The following PDGFRB variants were observed in gnomAD, a reference collection of about 807,000 sequenced individuals.
PDGFRB encodes platelet-derived growth factor receptor beta.
Under a neutral mutation model 120.2 loss-of-function variants are expected in PDGFRB, and 42 were observed. The ratio of observed to expected loss-of-function variants is 0.35; its 90% CI spans 0.27 to 0.45. The LOEUF (loss-of-function observed/expected upper bound fraction) is 0.45. Ranked by LOEUF, PDGFRB falls within the 20% of genes least tolerant of loss-of-function variation. The probability of loss-of-function intolerance (pLI) is 1.00; values close to 1 mark genes in which losing one functional copy is unlikely to be tolerated. For missense variants in PDGFRB, 1,149 were observed against 1,476.3 expected (o/e 0.78, Z 3.63); for synonymous variants, 586 against 606.8 (o/e 0.97, Z 0.50).
At chr5:150,154,760 A>G (rs1203533070) in intron 1 of PDGFRB, among the ~76,000 whole-genome samples, 1 of 152,210 alleles carries the variant, frequency 6.6e-6, no homozygotes, top group Non-Finnish European at 1.5e-5. Flanking sequence ...CAGATCTGAC[A>G]GCCAGGTCCC....
Position 150,133,772 on chromosome 5 carries a change from G to C in PDGFRB, c.760-12C>G. 6.2e-7 allele frequency: 1 copy of C among 1,613,612 alleles called. No homozygotes were observed. Among genetic ancestry groups the C allele is most frequent in the Non-Finnish European group, 8.5e-7 (1 of 1,179,554 alleles). On this transcript the variant is annotated splice_polypyrimidine_tract_variant and intron_variant, in intron 5 of 22. Coordinates refer to ENST00000261799, the MANE Select transcript of PDGFRB (RefSeq NM_002609.4). ...ACCAGCCGCCCACTCTGCAGCAACA[G>C]GTTGGGCAGGCCCCCCAAATCAGGA...
chr5:150,126,162 G>A (rs1760286189), intron 11 of PDGFRB, among the ~76,000 whole-genome samples: 1 of 152,234 alleles, frequency 6.6e-6, no homozygotes, highest in African/African-American at 2.4e-5. Flanking sequence ...ATGCATTTCA[G>A]TAGAATCACA....
Position 150,121,024 on chromosome 5 carries a change from G to A in PDGFRB, c.2464-14C>T. ...TCTGTGGACGCACTGGGTTTGGGGA[G>A]AGGGGAGCTGAGGCCTTGGGGACAA... is the stretch of plus-strand genomic sequence containing the variant. On this transcript the variant is annotated splice_polypyrimidine_tract_variant and intron_variant, in intron 17 of 22. Transcript: ENST00000261799. The surrounding 1 kb of genome is among the most constrained non-coding windows in gnomAD (Gnocchi z 4.1). 6.2e-7 allele frequency: 1 copy of A among 1,613,524 alleles called. No homozygotes were observed. Among genetic ancestry groups the A allele is most frequent in the South Asian group, 1.1e-5 (1 of 91,052 alleles).
chr5:150,127,249 C>T (rs1242830146), intron 10 of PDGFRB, among the ~76,000 whole-genome samples: 3 of 152,180 alleles, frequency 2.0e-5, no homozygotes, highest in African/African-American at 7.2e-5. Context: ...GAGTCTCCTC[C>T]ACCCTCAAGG....
chr5:150,123,021 C>T, intron 15 of PDGFRB, 21 bp downstream of exon 15: 1 of 1,607,986 alleles, frequency 6.2e-7, no homozygotes. Context: ...AAGATTCAGT[C>T]CCTGGCCTCC....
At position 150,135,896 on chromosome 5, in the gene PDGFRB, T is replaced by C. The variant is rs2113912949; in HGVS notation, c.41-18A>G. Reference sequence around the variant, plus strand: ...CAGCTCGCCTTTGGGAGAGGAGGTATCAGACATCAGGAAACAGGGGCTTCA... The same window carrying C: ...CAGCTCGCCTTTGGGAGAGGAGGTACCAGACATCAGGAAACAGGGGCTTCA... On this transcript the variant is annotated intron_variant, in intron 2 of 22. Coordinates refer to ENST00000261799, the MANE Select transcript of PDGFRB (RefSeq NM_002609.4). 6.6e-7 allele frequency: 1 copy of C among 1,507,620 alleles called. No homozygotes were observed. Among genetic ancestry groups the C allele is most frequent in the Non-Finnish European group, 8.9e-7 (1 of 1,126,030 alleles). 93.4% of individuals were successfully genotyped at this position (1,507,620 alleles called of 1,614,324 possible). A position where few individuals can be genotyped will look rare whatever the true frequency, so the allele number is the denominator to read the frequency against.
chr5:150,138,858 G>T (rs559993127), intron 1 of PDGFRB, among the ~76,000 whole-genome samples: 122 of 152,352 alleles, frequency 8.0e-4, no homozygotes, highest in Non-Finnish European at 1.6e-3. Context: ...GCTGGGGGAG[G>T]GGGTCACTTC....
chr5:150,119,560 G>T lies in PDGFRB; in HGVS notation c.2705C>A (p.Thr902Asn), dbSNP rs200865355. 35 of 1,602,110 alleles carry T rather than the reference G, an allele frequency of 2.2e-5. No homozygotes were observed. In the South Asian group the frequency reaches 3.7e-4, roughly 17 times the overall value. Residue 902 changes from threonine to asparagine, a missense_variant, in exon 20 of 23, where the codon ACC (threonine) becomes AAC (asparagine). Physicochemically the swap from Thr to Asn is moderately conservative, Grantham distance 65 (BLOSUM62 0). Transcript: ENST00000261799. ...LLWEIFTLGG[T>N]PYPELPMNEQ... is the part of the protein sequence containing the mutation. ...GTTCATGGGCAGCTCTGGGTAAGGG[G>T]TGCCACCTGTTGGGGAGCAGAGACA...
chr5:150,124,779 A>G lies in PDGFRB; in HGVS notation c.1860T>C (p.His620=), dbSNP rs533610471. Residue 620 remains histidine (H), a synonymous_variant, in exon 13 of 23, where the codon CAT becomes CAC. Transcript: ENST00000261799. ...TCGTGGCCTGAGAATGGCTCAGGCC[A>G]TGAGCCGTGGCCTCCACCACCTGCC... The part of the protein sequence containing the change: ...AFGQVVEATA[H]GLSHSQATMK... The G allele has an allele frequency of 6.2e-7, 1 of 1,609,730 alleles. No individual in the cohort carries two copies. Among genetic ancestry groups the G allele is most frequent in the Admixed American group, 1.7e-5 (1 of 59,974 alleles).
At chr5:150,144,759 A>T (rs918214318) in intron 1 of PDGFRB, among the ~76,000 whole-genome samples, 32 of 152,094 alleles carry the variant, frequency 2.1e-4, no homozygotes, top group Non-Finnish European at 4.1e-4. Flanking sequence ...CCTGAGAAGG[A>T]GGTCAGTGAG....
At position 150,137,421 on chromosome 5, in the gene PDGFRB, C is replaced by T. The variant is rs138070647; in HGVS notation, c.-6-368G>A. 4.0e-4 allele frequency: 78 copies of T among 195,396 alleles called. 1 individual carries two copies. The highest frequency in any genetic ancestry group is 1.8e-3 in the Middle Eastern group (1 of 542). 12.1% of individuals were successfully genotyped at this position (195,396 alleles called of 1,614,324 possible). On this transcript the variant is annotated intron_variant, in intron 1 of 22. Coordinates refer to ENST00000261799, the MANE Select transcript of PDGFRB (RefSeq NM_002609.4). ...CTACCAGCTCTGACAGCCTGTCCTC[C>T]GGGTGACAGTTCCAATACCAGGCTC...
chr5:150,123,696 G>A (rs538980324), intron 14 of PDGFRB, among the ~76,000 whole-genome samples: 5 of 152,330 alleles, frequency 3.3e-5, no homozygotes, highest in South Asian at 2.1e-4. Flanking sequence ...CATTGCAAAC[G>A]TGAATAAGTC....
rs1359256123 is a variant in PDGFRB at position 150,120,158 on chromosome 5, G to C, written c.2587-35C>G. The C allele has an allele frequency of 2.1e-6, 2 of 941,056 alleles. No individual in the cohort carries two copies. Among genetic ancestry groups the C allele is most frequent in the Admixed American group, 1.7e-5 (1 of 59,072 alleles). The allele number at this position is 941,056 out of a possible 1,614,324, so 58.3% of individuals were successfully genotyped here. ...GGTCAGGACAGGTGCTGAGTGCAAG[G>C]AAGGACCTCAGCCCCACTCTGCACC... On this transcript the variant is annotated intron_variant, in intron 18 of 22. Coordinates refer to ENST00000261799, the MANE Select transcript of PDGFRB (RefSeq NM_002609.4). The surrounding 1 kb of genome is among the most constrained non-coding windows in gnomAD (Gnocchi z 4.3).
chr5:150,113,874 T>C lies in PDGFRB; in HGVS notation c.*1889A>G, dbSNP rs1469818645. ...AAGCACCAGGTTTAATATTAAAATC[T>C]TTCCCTTAAAAAAAAGTACACAGAT... On this transcript the variant is annotated 3_prime_UTR_variant, in exon 23 of 23. Transcript: ENST00000261799. 1.7e-5 allele frequency: 4 copies of C among 231,944 alleles called. No homozygotes were observed. The Admixed American group carries it at 2.3e-4, about 13-fold the overall frequency. 14.4% of individuals were successfully genotyped at this position (231,944 alleles called of 1,614,324 possible). A position where few individuals can be genotyped will look rare whatever the true frequency, so the allele number is the denominator to read the frequency against.
chr5:150,117,545 C>CGCACACAG, intron 22 of PDGFRB, 73 bp downstream of exon 22: 2 of 341,942 alleles, frequency 5.8e-6, no homozygotes, highest in Non-Finnish European at 9.0e-6. Flanking sequence ...CGCGCGCGCG[C>CGCACACAG]ACACACACAC....
chr5:150,132,988 C>T lies in PDGFRB; in HGVS notation c.935-46G>A, dbSNP rs959309743. 1 of 1,374,200 alleles carries T rather than the reference C, an allele frequency of 7.3e-7. No homozygotes were observed. The highest frequency in any genetic ancestry group is 1.0e-6 in the Non-Finnish European group (1 of 999,174). The allele number at this position is 1,374,200 out of a possible 1,614,324, so 85.1% of individuals were successfully genotyped here. On this transcript the variant is annotated intron_variant, in intron 6 of 22. Coordinates refer to ENST00000261799, the MANE Select transcript of PDGFRB (RefSeq NM_002609.4). The surrounding 1 kb of genome is among the most constrained non-coding windows in gnomAD (Gnocchi z 5.0). ...GGGCGGGGCCCTGGGGGCAGGGCAC[C>T]AACTGAATCCCAAAGGAGGCCAGCC...
Position 150,116,102 on chromosome 5 carries a change from G to A in PDGFRB, c.3138-156C>T, listed in dbSNP as rs149624719. 1.0e-3 allele frequency among the ~76,000 whole-genome samples: 158 copies of A among 152,272 alleles called. 1 individual carries two copies. Among genetic ancestry groups the A allele is most frequent in the African/African-American group, 3.6e-3 (151 of 41,552 alleles). ...GTGAAAACTATGCAAGGCCTGCACC[G>A]TGAGGAAAGTGTGGCTCAGAGAGGT... On this transcript the variant is annotated intron_variant, in intron 22 of 22. Transcript: ENST00000261799.
intron 1 of PDGFRB, among the ~76,000 whole-genome samples, chr5:150,141,906 T>C (rs532049086): frequency 5.3e-5 from 8 of 151,854 alleles, no homozygotes; most frequent in African/African-American, 1.9e-4. Context: ...GGATGTTCAG[T>C]CTGGAGGCCA....
chr5:150,131,899 G>A (rs1460468619), intron 8 of PDGFRB, 80 bp downstream of exon 8: 2 of 737,468 alleles, frequency 2.7e-6, no homozygotes, highest in Non-Finnish European at 4.8e-6. Flanking sequence ...CCCATGGGTG[G>A]GTGGACAGTG....
Sources: allele counts gnomAD v4.1 joint callset (sites outside exome capture counted in the v4.1 genomes callset), GRCh38; gene constraint gnomAD v4.1.1; non-coding constraint Gnocchi (gnomAD v3.1); transcripts MANE v1.5; gene names NCBI Gene and HGNC (gene_info 2026-07-23, HGNC 2026-07-21).